The following TMEM108 variants were observed in gnomAD, a reference collection of about 807,000 sequenced individuals.
TMEM108 encodes cancer/testis antigen 124.
TMEM108 carries 12 observed loss-of-function variants against 35.1 expected under a neutral mutation model. The observed-to-expected ratio is 0.34, with a 90% CI of 0.22 to 0.55. The LOEUF (loss-of-function observed/expected upper bound fraction) is 0.55. Ranked by LOEUF, TMEM108 falls within the 20% of genes least tolerant of loss-of-function variation. The probability of loss-of-function intolerance (pLI) is 0.89; values close to 1 mark genes in which losing one functional copy is unlikely to be tolerated. For synonymous variants in TMEM108, 287 were observed against 308.6 expected, an observed-to-expected ratio of 0.93 and a Z score of 0.73; for missense variants, 680 against 753.3, an observed-to-expected ratio of 0.90 and a Z score of 1.14.
At chr3:133,090,477 C>A (rs1326638821) in intron 2 of TMEM108, among the ~76,000 whole-genome samples, 7 of 152,214 alleles carry the variant, frequency 4.6e-5, no homozygotes, top group Admixed American at 4.6e-4. Context: ...TTTCCCATCT[C>A]AGCTGTAGGC....
At chr3:133,151,996 G>A (rs1445123814) in intron 2 of TMEM108, among the ~76,000 whole-genome samples, 1 of 152,144 alleles carries the variant, frequency 6.6e-6, no homozygotes, top group Non-Finnish European at 1.5e-5. Context: ...TGCATCTACA[G>A]CTGACCTGCA....
rs149494800 is a variant in TMEM108, at chr3:133,335,470, G to A, written c.41-44282G>A. On this transcript the variant is annotated intron_variant, in intron 3 of 5. Transcript: ENST00000321871. ...TTGCAATCCACAATGAATGTGTAAT[G>A]TACTATAACATAGCACAGAAATACA... is the stretch of plus-strand genomic sequence containing the variant. 1.9e-3 allele frequency among the ~76,000 whole-genome samples: 293 copies of A among 152,284 alleles called. 1 individual carries two copies. Among genetic ancestry groups the A allele is most frequent in the Non-Finnish European group, 3.3e-3 (225 of 68,020 alleles).
rs2073283808 is a variant in TMEM108 at position 133,394,872 on chromosome 3, CTT to C, written c.1606-991_1606-990del. ...TATGTATGTTTTGTTTAAAAATAAA[CTT>C]CAGAGAATTAATTGTGGCTAAGCAA... On this transcript the variant is annotated intron_variant, in intron 5 of 5. Coordinates refer to ENST00000321871, the MANE Select transcript of TMEM108 (RefSeq NM_023943.4). 3.3e-5 allele frequency among the ~76,000 whole-genome samples: 5 copies of C among 152,366 alleles called. No homozygotes were observed. In the South Asian group the frequency reaches 8.3e-4, roughly 25 times the overall value.
intron 2 of TMEM108, among the ~76,000 whole-genome samples, chr3:133,225,349 A>C (rs1946054102): frequency 6.6e-6 from 1 of 151,990 alleles, no homozygotes. Context: ...CCCAGCCCCT[A>C]ATTAATTTTT....
chr3:133,380,880 C>T lies in TMEM108; in HGVS notation c.1169C>T (p.Ser390Phe). Residue 390 changes from serine to phenylalanine, a missense_variant, in exon 4 of 6, where the codon TCC becomes TTC. Physicochemically the swap from Ser to Phe is radical, Grantham distance 155. Coordinates refer to ENST00000321871, the MANE Select transcript of TMEM108 (RefSeq NM_023943.4). This position sits in a 1 kb window ranked among gnomAD's most constrained non-coding sequence, Gnocchi z 5.3. ...STTPQAPTHP[S>F]RVSESTISGA... ...ACCCCACAAGCTCCAACCCATCCCT[C>T]CAGGGTCTCAGAAAGCACTATTTCT... is the stretch of plus-strand genomic sequence containing the variant. 6.2e-7 allele frequency: 1 copy of T among 1,614,232 alleles called. No homozygotes were observed. The highest frequency in any genetic ancestry group is 8.5e-7 in the Non-Finnish European group (1 of 1,180,036).
intron 2 of TMEM108, among the ~76,000 whole-genome samples, chr3:133,168,426 G>A (rs1026307360): frequency 1.3e-5 from 2 of 152,132 alleles, no homozygotes; most frequent in Non-Finnish European, 1.5e-5. Flanking sequence ...AGAGGGAGGC[G>A]AGGGGGATTG....
intron 2 of TMEM108, among the ~76,000 whole-genome samples, chr3:133,220,772 C>G (rs1945978224): frequency 6.6e-6 from 1 of 152,128 alleles, no homozygotes; most frequent in Non-Finnish European, 1.5e-5. Context: ...CTCAGTCCCA[C>G]AAGACTGCTC....
At chr3:133,124,328 A>G (rs1349674881) in intron 2 of TMEM108, among the ~76,000 whole-genome samples, 1 of 152,224 alleles carries the variant, frequency 6.6e-6, no homozygotes, top group Non-Finnish European at 1.5e-5. Context: ...GCAAAATGGG[A>G]TAAACCTGGT....
At chr3:133,264,493 A>G (rs565299659) in intron 3 of TMEM108, among the ~76,000 whole-genome samples, 21 of 152,340 alleles carry the variant, frequency 1.4e-4, no homozygotes, top group African/African-American at 4.6e-4. Context: ...CAAGAAGCCA[A>G]CTAACTTGGG....
intron 3 of TMEM108, among the ~76,000 whole-genome samples, chr3:133,302,603 G>A (rs920864716): frequency 1.3e-5 from 2 of 151,600 alleles, no homozygotes; most frequent in African/African-American, 4.9e-5. Flanking sequence ...TGTATTTTTA[G>A]TAGGGATGGG....
chr3:133,291,968 T>G (rs1214911327), intron 3 of TMEM108, among the ~76,000 whole-genome samples: 2 of 152,178 alleles, frequency 1.3e-5, no homozygotes, highest in African/African-American at 4.8e-5. Context: ...CTGCAGTGGT[T>G]CCCAACCCTG....
At chr3:133,118,868 C>G (rs1437383514) in intron 2 of TMEM108, among the ~76,000 whole-genome samples, 2 of 152,070 alleles carry the variant, frequency 1.3e-5, no homozygotes, top group Non-Finnish European at 2.9e-5. Context: ...GTGGGGACAT[C>G]ACCACAGACC....
intron 2 of TMEM108, among the ~76,000 whole-genome samples, chr3:133,174,324 G>C (rs941170148): frequency 2.0e-5 from 3 of 152,210 alleles, no homozygotes; most frequent in South Asian, 4.1e-4. Context: ...GCTTTGAAGA[G>C]AGTAGAGGTT....
chr3:133,302,415 C>CTTTTTTTTTTTTTTTTT (rs927704510), intron 3 of TMEM108, among the ~76,000 whole-genome samples: 29 of 110,104 alleles, frequency 2.6e-4, no homozygotes, highest in East Asian at 1.5e-3. Context: ...TTCTTTCTTT[C>CTTTTTTTTTTTTTTTTT]TTTTTTTTTT....
chr3:133,123,394 A>G (rs1320719990), intron 2 of TMEM108, among the ~76,000 whole-genome samples: 1 of 152,244 alleles, frequency 6.6e-6, no homozygotes, highest in Non-Finnish European at 1.5e-5. Context: ...CGTTTTTAGC[A>G]TCACTAAATA....
intron 2 of TMEM108, among the ~76,000 whole-genome samples, chr3:133,117,030 A>G (rs536812147): frequency 1.3e-5 from 2 of 152,322 alleles, no homozygotes; most frequent in South Asian, 2.1e-4. Context: ...TCGGCCTTCC[A>G]AAGTGCTGGG....
intron 5 of TMEM108, among the ~76,000 whole-genome samples, chr3:133,393,885 C>T (rs1193900520): frequency 1.3e-5 from 2 of 152,182 alleles, no homozygotes; most frequent in Non-Finnish European, 2.9e-5. Flanking sequence ...GGCTGCCGTC[C>T]AACACAATCC....
chr3:133,263,717 T>G (rs1308832023), intron 3 of TMEM108, among the ~76,000 whole-genome samples: 1 of 152,194 alleles, frequency 6.6e-6, no homozygotes, highest in Non-Finnish European at 1.5e-5. Flanking sequence ...AATCAAAACT[T>G]GCAGGCAGCA....
intron 3 of TMEM108, among the ~76,000 whole-genome samples, chr3:133,258,778 A>G (rs1946584088): frequency 6.6e-6 from 1 of 152,220 alleles, no homozygotes; most frequent in Admixed American, 6.5e-5. Flanking sequence ...GAACCAGGTG[A>G]GCATACCTCA....
Sources: allele counts gnomAD v4.1 joint callset (sites outside exome capture counted in the v4.1 genomes callset), GRCh38; gene constraint gnomAD v4.1.1; non-coding constraint Gnocchi (gnomAD v3.1); transcripts MANE v1.5; gene names NCBI Gene and HGNC (gene_info 2026-07-23, HGNC 2026-07-21).